Variants in GRIK2 observed in about 807,000 individuals in gnomAD.
GRIK2 encodes glutamate receptor ionotropic, kainate 2.
A neutral mutation model predicts 100.3 loss-of-function variants in GRIK2; 32 were observed. The observed-to-expected ratio is 0.32, with a 90% confidence interval of 0.24 to 0.43. GRIK2 has a LOEUF of 0.43. Among genes scored for constraint, GRIK2 ranks in the 20% least tolerant of loss-of-function variants. GRIK2 has a pLI of 1.00. For synonymous variants in GRIK2, 417 were observed against 389.4 expected (o/e 1.07, Z -0.83); for missense variants, 843 against 1,114.9 (o/e 0.76, Z 3.47).
At chr6:101,925,105 T>G (rs9485559) in intron 13 of GRIK2, among the ~76,000 whole-genome samples, 7,073 of 152,224 alleles carry the variant, frequency 0.046, 237 homozygotes, top group Admixed American at 0.11. Flanking sequence ...ATGTAAAATC[T>G]TCTCTTTCAT....
intron 2 of GRIK2, among the ~76,000 whole-genome samples, chr6:101,516,777 A>G (rs1021937228): frequency 4.6e-5 from 7 of 152,140 alleles, no homozygotes; most frequent in Non-Finnish European, 8.8e-5. Flanking sequence ...CCTTCCCAGC[A>G]AAAGGCAAGT....
intron 4 of GRIK2, among the ~76,000 whole-genome samples, chr6:101,645,818 T>C (rs1224083467): frequency 6.6e-6 from 1 of 151,946 alleles, no homozygotes; most frequent in Non-Finnish European, 1.5e-5. Flanking sequence ...ATAGAATATT[T>C]TAAGATGCAT....
intron 12 of GRIK2, among the ~76,000 whole-genome samples, chr6:101,895,577 G>T (rs762517056): frequency 4.7e-4 from 71 of 151,692 alleles, no homozygotes; most frequent in Non-Finnish European, 8.9e-4. Flanking sequence ...GAATTATTAT[G>T]CACTTAAAAA....
chr6:101,583,964 G>A (rs1327531799), intron 2 of GRIK2, among the ~76,000 whole-genome samples: 3 of 152,126 alleles, frequency 2.0e-5, no homozygotes, highest in Non-Finnish European at 2.9e-5. Context: ...TGATATATAT[G>A]TATATAACTA....
chr6:102,007,041 A>G (rs1228317599), intron 14 of GRIK2, among the ~76,000 whole-genome samples: 1 of 152,132 alleles, frequency 6.6e-6, no homozygotes, highest in Non-Finnish European at 1.5e-5. Context: ...ATGTATAAAA[A>G]GCTAGATTGG....
chr6:101,826,595 T>C (rs1308981874), intron 10 of GRIK2, among the ~76,000 whole-genome samples: 2 of 152,042 alleles, frequency 1.3e-5, no homozygotes, highest in African/African-American at 4.8e-5. Context: ...AGGTACAGTC[T>C]CCTTTCCCAT....
chr6:101,606,366 A>G (rs531369693), intron 2 of GRIK2, among the ~76,000 whole-genome samples: 91 of 152,106 alleles, frequency 6.0e-4, no homozygotes, highest in African/African-American at 2.2e-3. Context: ...GGGTACCTTT[A>G]TTCACTGATC....
At chr6:101,590,762 AGGTAC>A (rs1187373852) in intron 2 of GRIK2, among the ~76,000 whole-genome samples, 2 of 152,064 alleles carry the variant, frequency 1.3e-5, no homozygotes, top group East Asian at 3.9e-4. Context: ...CTTAACCCTA[AGGTAC>A]AATATTCTCC....
intron 3 of GRIK2, among the ~76,000 whole-genome samples, chr6:101,622,537 C>G (rs1780215785): frequency 6.6e-6 from 1 of 151,960 alleles, no homozygotes; most frequent in South Asian, 2.1e-4. Context: ...TTATGTGGTT[C>G]TAAGTGACTT....
intron 7 of GRIK2, among the ~76,000 whole-genome samples, chr6:101,797,052 A>C (rs1780351828): frequency 6.6e-6 from 1 of 152,072 alleles, no homozygotes; most frequent in Admixed American, 6.6e-5. Context: ...ATTTTTATGT[A>C]TGTCCTGTTA....
Position 101,610,879 on chromosome 6 carries a change from C to T in GRIK2, c.116-11070C>T, listed in dbSNP as rs1779642846. On this transcript the variant is annotated intron_variant, in intron 2 of 16. Transcript: ENST00000369134. ...TATTATAATTATGTGACTACCTTTC[C>T]TGTTATCTCAGTTTGATCAGTTCTA... 1.3e-5 allele frequency among the ~76,000 whole-genome samples: 2 copies of T among 151,482 alleles called. 1 individual carries two copies. Among genetic ancestry groups the T allele is most frequent in the South Asian group, 4.2e-4 (2 of 4,808 alleles).
At chr6:101,494,015 A>G (rs918459161) in intron 2 of GRIK2, among the ~76,000 whole-genome samples, 34 of 99,932 alleles carry the variant, frequency 3.4e-4, no homozygotes, top group Admixed American at 2.7e-3. Context: ...TATATTATAT[A>G]TAAAAATTAT....
intron 12 of GRIK2, among the ~76,000 whole-genome samples, chr6:101,895,214 G>T (rs1787363290): frequency 6.6e-6 from 1 of 151,674 alleles, no homozygotes; most frequent in African/African-American, 2.4e-5. Flanking sequence ...TGTGTTACAT[G>T]CATAACATTT....
intron 2 of GRIK2, among the ~76,000 whole-genome samples, chr6:101,563,885 C>CA (rs375730047): frequency 3.4e-4 from 50 of 147,462 alleles, no homozygotes; most frequent in South Asian, 6.4e-4. Context: ...ATGGGAAAAA[C>CA]AAAAAAAAAT....
At chr6:101,761,590 C>G (rs578098657) in intron 7 of GRIK2, among the ~76,000 whole-genome samples, 1 of 152,146 alleles carries the variant, frequency 6.6e-6, no homozygotes, top group Admixed American at 6.6e-5. Context: ...AAACTCCACA[C>G]TGAAGCAACA....
intron 2 of GRIK2, among the ~76,000 whole-genome samples, chr6:101,429,732 T>C (rs1300015326): frequency 6.6e-6 from 1 of 152,160 alleles, no homozygotes; most frequent in Non-Finnish European, 1.5e-5. Flanking sequence ...TTATTTTTCC[T>C]TACACAATGA....
At chr6:101,922,582 G>A (rs924585881) in intron 12 of GRIK2, among the ~76,000 whole-genome samples, 5 of 152,140 alleles carry the variant, frequency 3.3e-5, no homozygotes, top group South Asian at 2.1e-4. Flanking sequence ...CTATTATTGT[G>A]TCAAAGTATT....
At chr6:101,887,266 A>T (rs969640193) in intron 11 of GRIK2, among the ~76,000 whole-genome samples, 2 of 152,202 alleles carry the variant, frequency 1.3e-5, no homozygotes, top group Non-Finnish European at 2.9e-5. Context: ...TTCACAATGT[A>T]TATGTACTTC....
intron 14 of GRIK2, among the ~76,000 whole-genome samples, chr6:101,986,947 C>A (rs1484471370): frequency 6.6e-6 from 1 of 151,652 alleles, no homozygotes; most frequent in Non-Finnish European, 1.5e-5. Context: ...CAAGATCAGC[C>A]TTGACAAAAC....
Sources: gnomAD v4.1 joint callset for allele counts (sites outside exome capture counted in the v4.1 genomes callset) on GRCh38, gnomAD v4.1.1 for gene constraint, MANE v1.5 for transcripts, NCBI Gene and HGNC (gene_info 2026-07-23, HGNC 2026-07-21) for gene names.